ST3GAL3: variants seen among roughly 807,000 people sequenced by gnomAD.
ST3GAL3 encodes the protein CMP-N-acetylneuraminate-beta-1,4-galactoside alpha-2,3-sialyltransferase.
A neutral mutation model predicts 50.1 loss-of-function variants in ST3GAL3; 21 were observed. That is an observed-to-expected ratio of 0.42 (90% CI 0.30 to 0.60). The LOEUF (loss-of-function observed/expected upper bound fraction) is 0.60, where lower values mean the gene tolerates loss of function less well. Ranked by LOEUF, ST3GAL3 falls within the 20% of genes least tolerant of loss-of-function variation. The probability of loss-of-function intolerance (pLI) is 0.19; values close to 1 mark genes in which losing one functional copy is unlikely to be tolerated. For synonymous variants in ST3GAL3, 183 were observed against 190.0 expected (o/e 0.96, Z 0.30); for missense variants, 353 against 489.4 (o/e 0.72, Z 2.63).
At chr1:43,736,179 A>C (rs1169511589) in intron 1 of ST3GAL3, 54 bp from the exon 2 acceptor site, 1 of 1,484,042 alleles carries the variant, frequency 6.7e-7, no homozygotes, top group Non-Finnish European at 9.4e-7. Flanking sequence ...AAGAGAGAAT[A>C]TATCAATAAG....
chr1:43,737,616 G>T lies in ST3GAL3; in HGVS notation c.118+1236G>T, dbSNP rs1679051444. The T allele has an allele frequency of 6.6e-6, 1 of 152,134 alleles. No individual in the cohort carries two copies. Among genetic ancestry groups the T allele is most frequent in the Non-Finnish European group, 1.5e-5 (1 of 68,028 alleles). The allele number at this position is 152,134 out of a possible 1,614,324, so 9.4% of individuals were successfully genotyped here. On this transcript the variant is annotated intron_variant, in intron 2 of 11. Transcript: ENST00000347631. The surrounding 1 kb of genome is among the most constrained non-coding windows in gnomAD (Gnocchi z 4.0). ...GCACTGACTTATTTTTAAAACCAAG[G>T]AGACTACCCAGGATAAGGAGTGTTT...
intron 5 of ST3GAL3, among the ~76,000 whole-genome samples, chr1:43,852,863 G>C (rs972850813): frequency 6.6e-6 from 1 of 152,132 alleles, no homozygotes; most frequent in Non-Finnish European, 1.5e-5. Context: ...ATAAATGTTA[G>C]ATCATTTCAA....
intron 11 of ST3GAL3, among the ~76,000 whole-genome samples, chr1:43,924,279 A>G (rs544073736): frequency 2.0e-5 from 3 of 152,288 alleles, no homozygotes; most frequent in East Asian, 3.9e-4. Flanking sequence ...CATCCCTGCC[A>G]TGCTTCACGT....
chr1:43,884,554 G>A (rs566668164), intron 5 of ST3GAL3, among the ~76,000 whole-genome samples: 53 of 152,272 alleles, frequency 3.5e-4, no homozygotes, highest in African/African-American at 1.2e-3. Context: ...ATCTCCCTAC[G>A]TTATGTCTAT....
At chr1:43,748,180 C>T (rs982869345) in intron 2 of ST3GAL3, among the ~76,000 whole-genome samples, 3 of 151,960 alleles carry the variant, frequency 2.0e-5, no homozygotes, top group African/African-American at 7.3e-5. Flanking sequence ...AACTCAGTTG[C>T]GTTTCTATAT....
At chr1:43,746,272 G>C (rs1430058822) in intron 2 of ST3GAL3, among the ~76,000 whole-genome samples, 1 of 152,176 alleles carries the variant, frequency 6.6e-6, no homozygotes, top group Non-Finnish European at 1.5e-5. Flanking sequence ...GAGGTTCCTA[G>C]AGTAGTCAAT....
chr1:43,892,299 C>T (rs2076793163), intron 5 of ST3GAL3, among the ~76,000 whole-genome samples: 1 of 152,066 alleles, frequency 6.6e-6, no homozygotes, highest in African/African-American at 2.4e-5. Flanking sequence ...ACACTGTCAC[C>T]CAGGCTGGAG....
chr1:43,780,744 T>A (rs1369110495), intron 2 of ST3GAL3, among the ~76,000 whole-genome samples: 1 of 152,152 alleles, frequency 6.6e-6, no homozygotes, highest in South Asian at 2.1e-4. Flanking sequence ...CCAAATATAT[T>A]TTTTATGATA....
intron 1 of ST3GAL3, among the ~76,000 whole-genome samples, chr1:43,721,565 A>G (rs539450446): frequency 1.3e-5 from 2 of 151,756 alleles, no homozygotes; most frequent in East Asian, 3.9e-4. Flanking sequence ...CAGCCTCCCA[A>G]AGTGCTGGGA....
In ST3GAL3 at chr1:43,772,136, G is replaced by A. The variant is rs144563431; in HGVS notation, c.119-19966G>A. The A allele has an allele frequency of 1.1e-3, 451 of 396,418 alleles. 1 individual carries two copies. Among genetic ancestry groups the A allele is most frequent in the African/African-American group, 8.0e-3 (386 of 48,244 alleles). The allele number at this position is 396,418 out of a possible 1,614,324, so 24.6% of individuals were successfully genotyped here. On this transcript the variant is annotated intron_variant, in intron 2 of 11. Coordinates refer to ENST00000347631, the MANE Select transcript of ST3GAL3 (RefSeq NM_006279.5). ...ATAATCTCTGCTCACCGCAACCTCC[G>A]CCTCCCGGGTTCAAGCGATTCTCCT... is the stretch of plus-strand genomic sequence containing the variant.
At chr1:43,847,473 C>G (rs924016775) in intron 5 of ST3GAL3, among the ~76,000 whole-genome samples, 9 of 152,154 alleles carry the variant, frequency 5.9e-5, no homozygotes, top group African/African-American at 2.2e-4. Context: ...GAAATTCTGA[C>G]ACATATTACA....
chr1:43,747,507 C>A (rs7549094), intron 2 of ST3GAL3, among the ~76,000 whole-genome samples: 103,579 of 150,220 alleles, frequency 0.69, 36,076 homozygotes, highest in Non-Finnish European at 0.73. Flanking sequence ...GCCACTCTCC[C>A]GCACCTCCAC....
intron 2 of ST3GAL3, among the ~76,000 whole-genome samples, chr1:43,770,251 G>GGAGGA (rs1427467522): frequency 7.3e-6 from 1 of 137,150 alleles, no homozygotes; most frequent in African/African-American, 2.7e-5. Context: ...AGAGGGGAGG[G>GGAGGA]GAGGAGAGGA....
chr1:43,762,345 A>T (rs7551644), intron 2 of ST3GAL3, among the ~76,000 whole-genome samples: 52,847 of 151,294 alleles, frequency 0.35, 10,008 homozygotes, highest in African/African-American at 0.5. Context: ...TGAAGGTATC[A>T]GAGACTTATT....
At chr1:43,828,080 G>C (rs1001557175) in intron 4 of ST3GAL3, among the ~76,000 whole-genome samples, 3 of 152,166 alleles carry the variant, frequency 2.0e-5, no homozygotes, top group Non-Finnish European at 4.4e-5. Flanking sequence ...GAATAGGATA[G>C]AGATCCCATA....
At chr1:43,871,374 G>T (rs1010659197) in intron 5 of ST3GAL3, among the ~76,000 whole-genome samples, 3 of 152,094 alleles carry the variant, frequency 2.0e-5, no homozygotes, top group African/African-American at 7.2e-5. Context: ...TGAGACATGA[G>T]CCCATGGGTG....
chr1:43,730,021 C>T (rs1558040798), intron 1 of ST3GAL3, among the ~76,000 whole-genome samples: 1 of 152,238 alleles, frequency 6.6e-6, no homozygotes, highest in African/African-American at 2.4e-5. Flanking sequence ...TTTGAAATTA[C>T]ATCTCTCACA....
chr1:43,868,027 A>G (rs969604941), intron 5 of ST3GAL3, among the ~76,000 whole-genome samples: 3 of 152,246 alleles, frequency 2.0e-5, no homozygotes, highest in Non-Finnish European at 2.9e-5. Flanking sequence ...TTAATATTGT[A>G]CATACAAAAG....
chr1:43,739,866 T>C (rs928449353), intron 2 of ST3GAL3, among the ~76,000 whole-genome samples: 1 of 152,186 alleles, frequency 6.6e-6, no homozygotes, highest in Non-Finnish European at 1.5e-5. Flanking sequence ...AAATGCTTAA[T>C]GTGAAAAGCT....
Sources: allele counts gnomAD v4.1 joint callset (sites outside exome capture counted in the v4.1 genomes callset), GRCh38; gene constraint gnomAD v4.1.1; non-coding constraint Gnocchi (gnomAD v3.1); transcripts MANE v1.5; gene names NCBI Gene and HGNC (gene_info 2026-07-23, HGNC 2026-07-21).